The following ADGRL2 variants were observed in gnomAD, a reference collection of about 807,000 sequenced individuals.
ADGRL2 encodes the protein calcium-independent alpha-latrotoxin receptor 2.
ADGRL2 carries 44 observed loss-of-function variants against 157.4 expected under a neutral mutation model. The ratio of observed to expected loss-of-function variants is 0.28; its 90% CI spans 0.22 to 0.36. The LOEUF is 0.36. ADGRL2 is among the 10% of genes least tolerant of loss of function. ADGRL2 has a pLI of 1.00. For synonymous variants in ADGRL2, 585 were observed against 624.7 expected (o/e 0.94, Z 0.95); for missense variants, 1,510 against 1,768.9 (o/e 0.85, Z 2.63).
intron 1 of ADGRL2, among the ~76,000 whole-genome samples, chr1:81,425,714 A>T (rs61773165): frequency 1.8e-3 from 281 of 152,256 alleles, no homozygotes; most frequent in Non-Finnish European, 3.1e-3. Context: ...GCTTTTGTCA[A>T]TTGCTTCAAG....
rs568244191 is a variant in ADGRL2 at position 81,773,390 on chromosome 1, A to G, written c.-101+11538A>G. Among the ~76,000 whole-genome samples the G allele has an allele frequency of 3.4e-4, 52 of 152,332 alleles. 1 individual carries two copies. The highest frequency in any genetic ancestry group is 1.2e-3 in the African/African-American group (49 of 41,576). On this transcript the variant is annotated intron_variant, in intron 2 of 20. Transcript: ENST00000359929. ...AGACAATGAATTAATAATACCTTTA[A>G]TACCTTTTCCACCAAATAGAAGGGA...
At chr1:81,704,226 T>G (rs2149044847) in intron 1 of ADGRL2, among the ~76,000 whole-genome samples, 1 of 152,336 alleles carries the variant, frequency 6.6e-6, no homozygotes, top group South Asian at 2.1e-4. Context: ...TGTGCATTAC[T>G]TGGCAAAAAG....
intron 1 of ADGRL2, among the ~76,000 whole-genome samples, chr1:81,730,708 G>A (rs2084692288): frequency 6.7e-6 from 1 of 149,954 alleles, no homozygotes; most frequent in African/African-American, 2.5e-5. Flanking sequence ...GGGCGGCAGA[G>A]TGAGACTCCA....
chr1:81,748,614 T>C (rs1042673016), intron 1 of ADGRL2, among the ~76,000 whole-genome samples: 7 of 151,968 alleles, frequency 4.6e-5, no homozygotes, highest in African/African-American at 1.7e-4. Flanking sequence ...GGTTAATGAA[T>C]GATAAATTTT....
intron 1 of ADGRL2, among the ~76,000 whole-genome samples, chr1:81,385,489 C>G (rs2076419140): frequency 6.6e-6 from 1 of 151,804 alleles, no homozygotes; most frequent in Non-Finnish European, 1.5e-5. Flanking sequence ...AAAGGCAGAT[C>G]ATGTGACATA....
intron 1 of ADGRL2, among the ~76,000 whole-genome samples, chr1:81,712,655 T>C (rs1384065162): frequency 6.6e-6 from 1 of 151,912 alleles, no homozygotes; most frequent in Non-Finnish European, 1.5e-5. Context: ...CCAACTGGGA[T>C]ATATATAACT....
intron 1 of ADGRL2, among the ~76,000 whole-genome samples, chr1:81,813,948 A>G (rs1438959481): frequency 6.6e-6 from 1 of 151,686 alleles, no homozygotes; most frequent in Admixed American, 6.6e-5. Context: ...CAGCTAGGGT[A>G]AGTTCTACCT....
chr1:81,713,054 G>A (rs914943180), intron 1 of ADGRL2, among the ~76,000 whole-genome samples: 8 of 151,948 alleles, frequency 5.3e-5, no homozygotes, highest in African/African-American at 1.5e-4. Flanking sequence ...CACCATGCCC[G>A]GCTTGAGAGT....
chr1:81,568,738 C>A (rs549032186), intron 2 of ADGRL2, among the ~76,000 whole-genome samples: 1 of 151,774 alleles, frequency 6.6e-6, no homozygotes, highest in African/African-American at 2.4e-5. Flanking sequence ...TTATTTTTAC[C>A]AAAAAAATGA....
chr1:81,939,597 G>C lies in ADGRL2; in HGVS notation c.398-2437G>C, dbSNP rs540684288. 2.0e-3 allele frequency among the ~76,000 whole-genome samples: 299 copies of C among 151,548 alleles called. 4 individuals carry two copies. Among genetic ancestry groups the C allele is most frequent in the African/African-American group, 6.9e-3 (286 of 41,468 alleles). On this transcript the variant is annotated intron_variant, in intron 4 of 23. Coordinates refer to ENST00000686636, the MANE Select transcript of ADGRL2 (RefSeq NM_001366006.2). Reference sequence around the variant, plus strand: ...TATGTAGGCTGTGTAGTTAGTTTGGGTTAATTTCTTGTCTTGCATATCCAT... The same window carrying C: ...TATGTAGGCTGTGTAGTTAGTTTGGCTTAATTTCTTGTCTTGCATATCCAT...
intron 1 of ADGRL2, among the ~76,000 whole-genome samples, chr1:81,824,301 C>A (rs910825405): frequency 6.6e-6 from 1 of 152,106 alleles, no homozygotes; most frequent in Non-Finnish European, 1.5e-5. Context: ...TAGACAAGGT[C>A]TTTCTCTTTG....
At chr1:81,896,944 G>A (rs967882835) in intron 2 of ADGRL2, among the ~76,000 whole-genome samples, 5 of 152,142 alleles carry the variant, frequency 3.3e-5, no homozygotes, top group Non-Finnish European at 5.9e-5. Context: ...CATTATAGTA[G>A]TGAACCAGAT....
At chr1:81,724,012 G>C (rs2084425736) in intron 1 of ADGRL2, among the ~76,000 whole-genome samples, 1 of 152,014 alleles carries the variant, frequency 6.6e-6, no homozygotes, top group Non-Finnish European at 1.5e-5. Context: ...CTTTCTGCTT[G>C]TTAAATTTTT....
intron 2 of ADGRL2, among the ~76,000 whole-genome samples, chr1:81,867,871 C>T (rs1025139184): frequency 5.3e-5 from 8 of 151,822 alleles, no homozygotes; most frequent in Non-Finnish European, 7.4e-5. Flanking sequence ...CTCTTTATAT[C>T]GTATGGTAAC....
chr1:81,402,092 G>GC (rs34428469), intron 1 of ADGRL2, among the ~76,000 whole-genome samples: 122,573 of 152,112 alleles, frequency 0.81, 52,451 homozygotes, highest in Non-Finnish European at 0.95. Context: ...AAAACAGGTA[G>GC]CAAATTAGTC....
At chr1:81,307,966 C>A (rs1659465796) in intron 1 of ADGRL2, among the ~76,000 whole-genome samples, 1 of 151,952 alleles carries the variant, frequency 6.6e-6, no homozygotes, top group Non-Finnish European at 1.5e-5. Flanking sequence ...CTGTCTCTGG[C>A]ATTTGTTAGG....
chr1:81,785,209 A>G (rs1324919227), intron 2 of ADGRL2, among the ~76,000 whole-genome samples: 1 of 152,170 alleles, frequency 6.6e-6, no homozygotes. Context: ...ATAGATAATT[A>G]TTTAATAAAG....
chr1:81,428,716 T>C (rs2077265366), intron 1 of ADGRL2, among the ~76,000 whole-genome samples: 1 of 152,118 alleles, frequency 6.6e-6, no homozygotes, highest in Non-Finnish European at 1.5e-5. Context: ...TCAACTCTAG[T>C]CTTTTCTGCA....
chr1:81,779,524 G>A (rs899110006), intron 2 of ADGRL2, among the ~76,000 whole-genome samples: 1 of 152,056 alleles, frequency 6.6e-6, no homozygotes, highest in African/African-American at 2.4e-5. Context: ...ACAAGCCATA[G>A]CTCATTCTGT....
Sources: allele counts gnomAD v4.1 joint callset (sites outside exome capture counted in the v4.1 genomes callset), GRCh38; gene constraint gnomAD v4.1.1; transcripts MANE v1.5; gene names NCBI Gene and HGNC (gene_info 2026-07-23, HGNC 2026-07-21).